The following KCNN2 variants were observed in gnomAD, a reference collection of about 807,000 sequenced individuals.
The protein encoded by KCNN2 is small conductance calcium-activated potassium channel protein 2.
In KCNN2, 24 loss-of-function variants were observed where a neutral mutation model predicts 55.5. The observed-to-expected ratio is 0.43, with a 90% CI of 0.31 to 0.61. The LOEUF (loss-of-function observed/expected upper bound fraction) is 0.61, where lower values mean the gene tolerates loss of function less well. Among genes scored for constraint, KCNN2 ranks in the 20% least tolerant of loss-of-function variants. The pLI, the probability that KCNN2 is intolerant of heterozygous loss-of-function variation, is 0.08. For missense variants in KCNN2, 754 were observed against 853.6 expected (o/e 0.88, Z 1.45); for synonymous variants, 431 against 336.1 (o/e 1.28, Z -3.09).
chr5:114,300,919 G>C (rs148174897), intron 2 of KCNN2, among the ~76,000 whole-genome samples: 2 of 152,166 alleles, frequency 1.3e-5, no homozygotes, highest in East Asian at 3.9e-4. Flanking sequence ...TCAAAATGGG[G>C]GATCACAAGA....
rs1307486317 is a variant in KCNN2 at position 114,418,497 on chromosome 5, T to C, written c.1637+13641T>C. On this transcript the variant is annotated intron_variant, in intron 3 of 7. Coordinates refer to ENST00000673685, the MANE Select transcript of KCNN2 (RefSeq NM_021614.4). Reference sequence around the variant, plus strand: ...CAGACAGAGTTTTCTTCGTCTTTTATCTTGGATGTTGCCTTACGGGCTCTC... The same window carrying C: ...CAGACAGAGTTTTCTTCGTCTTTTACCTTGGATGTTGCCTTACGGGCTCTC... Among the ~76,000 whole-genome samples, 2 of 152,096 alleles carry C rather than the reference T, an allele frequency of 1.3e-5. 1 individual carries two copies. Among genetic ancestry groups the C allele is most frequent in the African/African-American group, 4.8e-5 (2 of 41,398 alleles).
intron 2 of KCNN2, among the ~76,000 whole-genome samples, chr5:114,332,089 T>A (rs767875108): frequency 6.6e-6 from 1 of 152,260 alleles, no homozygotes; most frequent in African/African-American, 2.4e-5. Flanking sequence ...CAGTAATTTA[T>A]TCATTTCATT....
chr5:114,456,578 A>G (rs1040054561), intron 3 of KCNN2, among the ~76,000 whole-genome samples: 4 of 152,226 alleles, frequency 2.6e-5, no homozygotes, highest in Admixed American at 2.6e-4. Context: ...TTTCAAAAAT[A>G]CATTTTGTAA....
intron 1 of KCNN2, among the ~76,000 whole-genome samples, chr5:114,122,633 C>G (rs1232001394): frequency 6.6e-6 from 1 of 152,180 alleles, no homozygotes; most frequent in East Asian, 1.9e-4. Context: ...ATAAGATGCT[C>G]TCTGTGCTGC....
At chr5:114,134,568 C>T (rs1000501434) in intron 1 of KCNN2, among the ~76,000 whole-genome samples, 1 of 151,658 alleles carries the variant, frequency 6.6e-6, no homozygotes, top group African/African-American at 2.4e-5. Flanking sequence ...CTCCGCCCTC[C>T]GAGTTCAAGC....
chr5:114,313,315 A>G (rs1263132403), intron 2 of KCNN2, among the ~76,000 whole-genome samples: 1 of 152,152 alleles, frequency 6.6e-6, no homozygotes. Flanking sequence ...CCCTCCACAC[A>G]ACAGTTAACT....
intron 2 of KCNN2, among the ~76,000 whole-genome samples, chr5:114,395,373 A>G (rs755117708): frequency 3.9e-5 from 6 of 152,342 alleles, no homozygotes; most frequent in East Asian, 3.9e-4. Flanking sequence ...ATTCAGCATT[A>G]TGCCTACAAG....
chr5:114,243,293 C>T (rs1754680942), intron 2 of KCNN2, among the ~76,000 whole-genome samples: 1 of 152,150 alleles, frequency 6.6e-6, no homozygotes, highest in Non-Finnish European at 1.5e-5. Flanking sequence ...TTACGGTAGT[C>T]TCCCCTTTTC....
At chr5:114,289,349 CA>C (rs754213529) in intron 2 of KCNN2, among the ~76,000 whole-genome samples, 6 of 150,054 alleles carry the variant, frequency 4.0e-5, no homozygotes, top group African/African-American at 7.3e-5. Flanking sequence ...CTTGCAGTTC[CA>C]TATGAATTTT....
intron 2 of KCNN2, among the ~76,000 whole-genome samples, chr5:114,238,378 C>G (rs1205528288): frequency 6.6e-6 from 1 of 152,056 alleles, no homozygotes; most frequent in Non-Finnish European, 1.5e-5. Flanking sequence ...GTAATCCTAG[C>G]ACTTTGGGAG....
At chr5:114,215,216 T>G (rs1312614771) in intron 1 of KCNN2, among the ~76,000 whole-genome samples, 4 of 152,144 alleles carry the variant, frequency 2.6e-5, no homozygotes, top group Non-Finnish European at 5.9e-5. Context: ...TTATTCCTAC[T>G]AGAATATAGA....
intron 2 of KCNN2, among the ~76,000 whole-genome samples, chr5:114,248,605 G>A (rs1300131082): frequency 6.6e-6 from 1 of 151,984 alleles, no homozygotes; most frequent in Non-Finnish European, 1.5e-5. Flanking sequence ...AGTGTACATG[G>A]TTTTGTAGTC....
chr5:114,076,001 G>A (rs916177154), intron 1 of KCNN2, among the ~76,000 whole-genome samples: 8 of 152,212 alleles, frequency 5.3e-5, no homozygotes, highest in African/African-American at 1.4e-4. Flanking sequence ...TTTTAAGTGT[G>A]TGTTCACTAG....
intron 1 of KCNN2, among the ~76,000 whole-genome samples, chr5:114,134,632 C>G (rs983937239): frequency 3.9e-5 from 6 of 152,004 alleles, no homozygotes; most frequent in African/African-American, 1.4e-4. Context: ...CCTGCCACGG[C>G]TCCCGGCAAA....
intron 2 of KCNN2, among the ~76,000 whole-genome samples, chr5:114,349,549 A>G (rs1425407750): frequency 3.9e-5 from 6 of 152,052 alleles, no homozygotes; most frequent in Non-Finnish European, 8.8e-5. Context: ...GTATATGAAA[A>G]TATTCCAAAA....
chr5:114,426,523 GTTCC>G (rs1759630081), intron 3 of KCNN2, among the ~76,000 whole-genome samples: 1 of 152,114 alleles, frequency 6.6e-6, no homozygotes, highest in South Asian at 2.1e-4. Context: ...TAAATGAAGT[GTTCC>G]TTCCATTTTT....
intron 1 of KCNN2, among the ~76,000 whole-genome samples, chr5:114,132,727 A>G (rs1752096553): frequency 6.6e-6 from 1 of 152,206 alleles, no homozygotes; most frequent in Non-Finnish European, 1.5e-5. Context: ...AAAAGCATCA[A>G]ATTAAAAGCC....
intron 2 of KCNN2, among the ~76,000 whole-genome samples, chr5:114,233,197 G>T (rs192981373): frequency 1.8e-4 from 28 of 151,850 alleles, no homozygotes; most frequent in Admixed American, 1.6e-3. Context: ...TGGGATTACA[G>T]GCGTGAGCCA....
intron 1 of KCNN2, among the ~76,000 whole-genome samples, chr5:114,107,008 T>A (rs914791358): frequency 1.3e-5 from 2 of 152,084 alleles, no homozygotes; most frequent in African/African-American, 4.8e-5. Context: ...TAATTTTACC[T>A]TTCACATTTA....
Sources: allele counts gnomAD v4.1 joint callset (sites outside exome capture counted in the v4.1 genomes callset), GRCh38; gene constraint gnomAD v4.1.1; transcripts MANE v1.5; gene names NCBI Gene and HGNC (gene_info 2026-07-23, HGNC 2026-07-21).